FGD6: variants seen among roughly 807,000 people sequenced by gnomAD.
FGD6 encodes FYVE, RhoGEF and PH domain-containing protein 6.
Under a neutral mutation model 149.4 loss-of-function variants are expected in FGD6, and 90 were observed. The observed-to-expected ratio is 0.60, with a 90% CI of 0.51 to 0.72. FGD6 has a LOEUF of 0.72. Among genes scored for constraint, FGD6 ranks in the 30% least tolerant of loss-of-function variants. The pLI is 0.00. For synonymous variants in FGD6, 527 were observed against 584.0 expected, an observed-to-expected ratio of 0.90 and a Z score of 1.41; for missense variants, 1,437 against 1,684.8, an observed-to-expected ratio of 0.85 and a Z score of 2.57.
chr12:95,185,928 T>C (rs1430149336), intron 2 of FGD6, among the ~76,000 whole-genome samples: 2 of 152,106 alleles, frequency 1.3e-5, no homozygotes, highest in African/African-American at 4.8e-5. Context: ...AATGTGAATA[T>C]ATCTGTTATA....
chr12:95,099,511 C>G (rs1380793054), intron 14 of FGD6, among the ~76,000 whole-genome samples: 5 of 152,174 alleles, frequency 3.3e-5, no homozygotes, highest in Admixed American at 2.0e-4. Context: ...TTCCCTCATG[C>G]CAGCTTGATC....
intron 2 of FGD6, among the ~76,000 whole-genome samples, chr12:95,186,555 C>T (rs1399040318): frequency 1.1e-4 from 17 of 150,134 alleles, no homozygotes; most frequent in East Asian, 5.8e-4. Flanking sequence ...TTTTGTGACA[C>T]ATGAAAATGA....
chr12:95,183,852 C>G (rs1881350246), intron 2 of FGD6, among the ~76,000 whole-genome samples: 1 of 152,072 alleles, frequency 6.6e-6, no homozygotes, highest in Admixed American at 6.5e-5. Flanking sequence ...ACAAAAACAA[C>G]AACAAAACAA....
intron 9 of FGD6, among the ~76,000 whole-genome samples, chr12:95,111,128 T>C (rs1259733026): frequency 6.6e-6 from 1 of 152,116 alleles, no homozygotes; most frequent in African/African-American, 2.4e-5. Context: ...ATTACAGGCA[T>C]GCACCCCCAT....
intron 2 of FGD6, 90 bp downstream of exon 2, chr12:95,208,753 G>GTT (rs35425363): frequency 6.7e-5 from 96 of 1,424,904 alleles, no homozygotes; most frequent in African/African-American, 4.7e-4. Flanking sequence ...TCAACCACGT[G>GTT]TTTTTTTTCC....
At chr12:95,125,367 T>C (rs1465328706) in intron 8 of FGD6, among the ~76,000 whole-genome samples, 1 of 152,210 alleles carries the variant, frequency 6.6e-6, no homozygotes, top group East Asian at 1.9e-4. Flanking sequence ...GTGTAGTGGC[T>C]CATGCCTATA....
intron 2 of FGD6, among the ~76,000 whole-genome samples, chr12:95,206,710 A>G (rs537712064): frequency 4.7e-4 from 71 of 151,940 alleles, no homozygotes; most frequent in Admixed American, 1.9e-3. Flanking sequence ...AAAAAAAAAA[A>G]AAAAAGAAAA....
intron 8 of FGD6, among the ~76,000 whole-genome samples, chr12:95,117,154 T>C (rs1346434824): frequency 6.6e-6 from 1 of 152,158 alleles, no homozygotes; most frequent in Admixed American, 6.5e-5. Context: ...ATGACCTTTC[T>C]GCTCCTGCCA....
In FGD6 at chr12:95,180,140, T is replaced by C. The variant is rs552028928; in HGVS notation, c.2442-7396A>G. Among the ~76,000 whole-genome samples, 29 of 150,936 alleles carry C rather than the reference T, an allele frequency of 1.9e-4. 1 individual carries two copies. In the Middle Eastern group the frequency reaches 0.01, roughly 55 times the overall value. On this transcript the variant is annotated intron_variant, in intron 2 of 20. Transcript: ENST00000343958. ...GGCATAGATCATTCTCCAGGAAATA[T>C]TGTTAGGTTAAAAAGAAATCAAGGC... is the stretch of plus-strand genomic sequence containing the variant.
At position 95,179,173 on chromosome 12, in the gene FGD6, G is replaced by A. The variant is rs573878209; in HGVS notation, c.2442-6429C>T. Among the ~76,000 whole-genome samples, 176 of 152,198 alleles carry A rather than the reference G, an allele frequency of 1.2e-3. No individual in the cohort carries two copies. In the Middle Eastern group the frequency reaches 0.017, roughly 15 times the overall value. ...TCACCTTCCCCCAAGTAATTACGAG[G>A]ATTCTTAGAATTGTATGCTACTGAC... On this transcript the variant is annotated intron_variant, in intron 2 of 20. Transcript: ENST00000343958.
intron 2 of FGD6, among the ~76,000 whole-genome samples, chr12:95,190,219 GA>G (rs1881548611): frequency 6.6e-6 from 1 of 152,150 alleles, no homozygotes; most frequent in Non-Finnish European, 1.5e-5. Flanking sequence ...GCTCAGGCTG[GA>G]GTGCAATGGC....
At position 95,089,636 on chromosome 12, in the gene FGD6, A is replaced by G; in HGVS notation, c.3911T>C (p.Leu1304Ser). 6.2e-7 allele frequency: 1 copy of G among 1,614,004 alleles called. No homozygotes were observed. The highest frequency in any genetic ancestry group is 8.5e-7 in the Non-Finnish European group (1 of 1,179,886). Residue 1304 changes from leucine (L) to serine (S), a missense_variant, in exon 18 of 21, where the codon TTA becomes TCA. Leu to Ser is a moderately radical substitution (Grantham distance 145, BLOSUM62 -2). Around this residue, in one of 2 missense-constraint regions of FGD6, gnomAD observed 382 missense variants for 538.7 expected, o/e 0.71. Transcript: ENST00000343958. ...TGGAATGCTATGTAAGACTGATGATAAGGCACTTGAAGGAGATTTGTGATT... is the reference window on the plus strand; with the variant it reads ...TGGAATGCTATGTAAGACTGATGATGAGGCACTTGAAGGAGATTTGTGATT... ...PGNHKSPSSA[L>S]SSVLHSIPSG...
At position 95,134,825 on chromosome 12, in the gene FGD6, A is replaced by C; in HGVS notation, c.2996T>G (p.Met999Arg). The C allele has an allele frequency of 2.5e-6, 4 of 1,610,942 alleles. No homozygotes were observed. The highest frequency in any genetic ancestry group is 3.4e-6 in the Non-Finnish European group (4 of 1,178,506). Residue 999 changes from methionine (M) to arginine (R), a missense_variant and splice_region_variant, in exon 8 of 21, where the codon ATG (methionine) becomes AGG (arginine). This residue lies in a region of FGD6 where 382 missense variants were observed against 538.7 expected (regional missense o/e 0.71). Transcript: ENST00000343958. ...GGCCAGATTAGCACAGCGAGGGCTC[A>C]TCTGAAAGGAGAAGGCATCTAAATT... is the stretch of plus-strand genomic sequence containing the variant. ...GFAAVVREFE[M>R]SPRCANLALK...
At chr12:95,092,155 A>G (rs1392732240) in intron 16 of FGD6, among the ~76,000 whole-genome samples, 2 of 152,190 alleles carry the variant, frequency 1.3e-5, no homozygotes, top group Non-Finnish European at 2.9e-5. Context: ...CATCATAATC[A>G]CTGCTGCAGC....
At chr12:95,144,147 T>C (rs1293546399) in intron 5 of FGD6, among the ~76,000 whole-genome samples, 2 of 152,206 alleles carry the variant, frequency 1.3e-5, no homozygotes, top group Non-Finnish European at 2.9e-5. Context: ...AAATACAAAC[T>C]GAACTGACCA....
At chr12:95,155,524 G>A (rs531320751) in intron 3 of FGD6, among the ~76,000 whole-genome samples, 1 of 152,212 alleles carries the variant, frequency 6.6e-6, no homozygotes, top group South Asian at 2.1e-4. Flanking sequence ...GTGAAACTCT[G>A]TCTCAAAACA....
At chr12:95,192,441 T>C (rs549310656) in intron 2 of FGD6, among the ~76,000 whole-genome samples, 3 of 152,324 alleles carry the variant, frequency 2.0e-5, no homozygotes, top group Admixed American at 2.0e-4. Context: ...CCAGGCAATA[T>C]GCTAGAGAAG....
At chr12:95,176,914 G>A (rs376293812) in intron 2 of FGD6, among the ~76,000 whole-genome samples, 109 of 152,090 alleles carry the variant, frequency 7.2e-4, no homozygotes, top group African/African-American at 2.6e-3. Context: ...CTGCAACCTC[G>A]CCTCCCTAGT....
chr12:95,094,626 C>G lies in FGD6; in HGVS notation c.3566G>C (p.Arg1189Thr). ...SRAIEEYAKKRITFCPSRSLD... is the reference protein window; with the variant it reads ...SRAIEEYAKKTITFCPSRSLD... ...ACTCCTACTAGGACAGAAGGTGATT[C>G]TTTTCTTGGCATACTCTTCTATTGC... Residue 1189 changes from arginine to threonine, a missense_variant, in exon 15 of 21, where the codon AGA (arginine) becomes ACA (threonine). Arg to Thr is a moderately conservative substitution (Grantham distance 71). Transcript: ENST00000343958. 6.2e-7 allele frequency: 1 copy of G among 1,612,922 alleles called. No individual in the cohort carries two copies. Among genetic ancestry groups the G allele is most frequent in the Non-Finnish European group, 8.5e-7 (1 of 1,179,662 alleles).
Sources: allele counts gnomAD v4.1 joint callset (sites outside exome capture counted in the v4.1 genomes callset), GRCh38; gene constraint gnomAD v4.1.1; regional missense constraint gnomAD v4.1.1; transcripts MANE v1.5; gene names NCBI Gene and HGNC (gene_info 2026-07-23, HGNC 2026-07-21).